The following CHRDL1 variants were observed in gnomAD, a reference collection of about 807,000 sequenced individuals.
CHRDL1 encodes chordin-like protein 1.
Under a neutral mutation model 40.9 loss-of-function variants are expected in CHRDL1, and 19 were observed. The ratio of observed to expected loss-of-function variants is 0.46; its 90% CI spans 0.32 to 0.68. The LOEUF is 0.68. Ranked by LOEUF, CHRDL1 falls within the 30% of genes least tolerant of loss-of-function variation. The pLI is 0.03. For synonymous variants in CHRDL1, 136 were observed against 123.4 expected (o/e 1.10, Z -0.68); for missense variants, 329 against 352.1 (o/e 0.93, Z 0.53).
intron 7 of CHRDL1, 149 bp downstream of exon 7, chrX:110,700,505 G>T: frequency 2.2e-6 from 1 of 463,351 alleles, no homozygotes; most frequent in East Asian, 3.6e-5. Context: ...TCCAGTTGGT[G>T]ATGACATTAA....
chrX:110,735,563 T>C (rs1424413925), intron 4 of CHRDL1, among the ~76,000 whole-genome samples: 1 of 112,093 alleles, frequency 8.9e-6, no homozygotes, highest in Non-Finnish European at 1.9e-5. Context: ...AGCTAAGACC[T>C]AACACGTTAC....
At chrX:110,756,954 A>G (rs758297479) in intron 4 of CHRDL1, among the ~76,000 whole-genome samples, 1 of 112,193 alleles carries the variant, frequency 8.9e-6, no homozygotes, top group African/African-American at 3.2e-5. Flanking sequence ...CATCATGTAG[A>G]TGTCTTTTTA....
At chrX:110,732,309 C>T (rs2071179998) in intron 4 of CHRDL1, among the ~76,000 whole-genome samples, 1 of 111,092 alleles carries the variant, frequency 9.0e-6, no homozygotes, top group Non-Finnish European at 1.9e-5. Flanking sequence ...CCAGGAGACT[C>T]TGTGGGACCA....
chrX:110,695,508 T>G (rs1257833764), intron 7 of CHRDL1, among the ~76,000 whole-genome samples: 1 of 112,059 alleles, frequency 8.9e-6, no homozygotes, highest in South Asian at 3.7e-4. Flanking sequence ...TACAAGAAGA[T>G]GAAATGAATG....
chrX:110,731,167 G>A (rs970826969), intron 4 of CHRDL1, among the ~76,000 whole-genome samples: 4 of 111,404 alleles, frequency 3.6e-5, no homozygotes, highest in Non-Finnish European at 7.5e-5. Context: ...ATTAGTTAGA[G>A]AAGGGCCCTA....
At position 110,689,484 on chromosome X, in the gene CHRDL1, C is replaced by CTATATATCTATATATATCTATATATCTA. The variant is rs1318432526; in HGVS notation, c.779-682_779-681insTAGATATATAGATATATATAGATATATA. On this transcript the variant is annotated intron_variant, in intron 8 of 11. Transcript: ENST00000372042. Reference sequence around the variant, plus strand: ...TATATATATCTATATATCTATATATCTATATCTCTATATATCTATATATCT... The same window carrying CTATATATCTATATATATCTATATATCTA: ...TATATATATCTATATATCTATATATCTATATATCTATATATATCTATATATCTATATATCTCTATATATCTATATATCT... 1.2e-4 allele frequency among the ~76,000 whole-genome samples: 4 copies of CTATATATCTATATATATCTATATATCTA among 34,251 alleles called. 1 individual carries two copies. The African/African-American group carries it at 1.6e-3, about 14-fold the overall frequency. The allele number at this position is 34,251 out of a possible 115,157, so 29.7% of individuals were successfully genotyped here.
chrX:110,792,504 A>G (rs944210145), intron 1 of CHRDL1, among the ~76,000 whole-genome samples: 5 of 112,266 alleles, frequency 4.5e-5, no homozygotes, highest in Non-Finnish European at 9.4e-5. Context: ...CTTCCTTTCT[A>G]AGGGAATTAA....
rs140025075 is a variant in CHRDL1 at position 110,754,282 on chromosome X, T to C, written c.301+5379A>G. On this transcript the variant is annotated intron_variant, in intron 4 of 11. Coordinates refer to ENST00000372042, the MANE Select transcript of CHRDL1 (RefSeq NM_001143981.2). ...ATTTACTGTAATATTTTATTAGAAA[T>C]GTAAGATGCCTTTTTAAACTGTGTT... 3.1e-4 allele frequency among the ~76,000 whole-genome samples: 35 copies of C among 112,659 alleles called. No homozygotes were observed. In the East Asian group the frequency reaches 9.5e-3, roughly 31 times the overall value.
chrX:110,757,300 G>A (rs1284929708), intron 4 of CHRDL1, among the ~76,000 whole-genome samples: 1 of 110,170 alleles, frequency 9.1e-6, no homozygotes, highest in East Asian at 2.8e-4. Flanking sequence ...ATCATGTGCT[G>A]AGCAGGCTGA....
chrX:110,724,227 G>T (rs1412544709), intron 4 of CHRDL1, among the ~76,000 whole-genome samples: 1 of 112,398 alleles, frequency 8.9e-6, no homozygotes, highest in Non-Finnish European at 1.9e-5. Flanking sequence ...GAATTATTTT[G>T]CCTCAAAAGA....
chrX:110,789,736 T>G (rs2090069793), intron 2 of CHRDL1, among the ~76,000 whole-genome samples: 1 of 111,740 alleles, frequency 8.9e-6, no homozygotes, highest in Admixed American at 9.5e-5. Flanking sequence ...AAGAAAGTAG[T>G]TTGGAAGATC....
chrX:110,791,040 T>G (rs1182446331), intron 2 of CHRDL1, among the ~76,000 whole-genome samples: 1 of 110,095 alleles, frequency 9.1e-6, no homozygotes, highest in East Asian at 2.8e-4. Flanking sequence ...AAGGATGGAA[T>G]AGGCTTGGCA....
chrX:110,695,079 A>G (rs1042927276), intron 7 of CHRDL1, among the ~76,000 whole-genome samples: 6 of 110,866 alleles, frequency 5.4e-5, no homozygotes, highest in Non-Finnish European at 9.4e-5. Flanking sequence ...GTTTCAAAGC[A>G]TTGAATCCTG....
At chrX:110,784,928 T>C (rs1276998547) in intron 2 of CHRDL1, among the ~76,000 whole-genome samples, 2 of 111,747 alleles carry the variant, frequency 1.8e-5, no homozygotes, top group Admixed American at 1.9e-4. Flanking sequence ...GGAGATCCTT[T>C]TACAGAAAGG....
intron 4 of CHRDL1, among the ~76,000 whole-genome samples, chrX:110,722,239 C>T (rs1349004023): frequency 3.6e-5 from 4 of 111,179 alleles, no homozygotes; most frequent in Non-Finnish European, 5.7e-5. Flanking sequence ...TCAATTGATC[C>T]GCCTGCCCCA....
chrX:110,747,339 T>G (rs1600642), intron 4 of CHRDL1, among the ~76,000 whole-genome samples: 4 of 108,410 alleles, frequency 3.7e-5, no homozygotes, highest in African/African-American at 1.4e-4. Context: ...TTCTCTAGGT[T>G]TTGGTACTGC....
intron 4 of CHRDL1, among the ~76,000 whole-genome samples, chrX:110,738,800 G>A (rs1317528468): frequency 9.1e-6 from 1 of 110,410 alleles, no homozygotes; most frequent in African/African-American, 3.3e-5. Flanking sequence ...CTATGTGAGT[G>A]TGTTAAAGGA....
chrX:110,715,103 G>A (rs2070817634), intron 6 of CHRDL1, among the ~76,000 whole-genome samples: 1 of 111,633 alleles, frequency 9.0e-6, no homozygotes, highest in African/African-American at 3.3e-5. Flanking sequence ...CTGGATGAGA[G>A]GTTGCAAAGA....
intron 6 of CHRDL1, among the ~76,000 whole-genome samples, chrX:110,712,741 G>A (rs2070768479): frequency 9.1e-6 from 1 of 109,768 alleles, no homozygotes; most frequent in African/African-American, 3.3e-5. Flanking sequence ...GGTGGTGCAC[G>A]CCTGTAGTCC....
Sources: allele counts gnomAD v4.1 joint callset (sites outside exome capture counted in the v4.1 genomes callset), GRCh38; gene constraint gnomAD v4.1.1; transcripts MANE v1.5; gene names NCBI Gene and HGNC (gene_info 2026-07-23, HGNC 2026-07-21).